The following AP1M1 variants were observed in gnomAD, a reference collection of about 807,000 sequenced individuals.
AP1M1 encodes the protein adaptor related protein complex 1 subunit mu 1, also known as AP-1 complex subunit mu-1.
A neutral mutation model predicts 57.1 loss-of-function variants in AP1M1; 18 were observed. The observed-to-expected ratio is 0.32, with a 90% CI of 0.22 to 0.47. The LOEUF is 0.47. AP1M1 is among the 20% of genes least tolerant of loss of function. The pLI is 1.00. For missense variants in AP1M1, 362 were observed against 593.5 expected (o/e 0.61, Z 4.05); for synonymous variants, 241 against 237.9 (o/e 1.01, Z -0.12).
At chr19:16,201,388 CTTTTTTTTTTTTTTTTTT>C (rs57467734) in intron 1 of AP1M1, among the ~76,000 whole-genome samples, 1 of 62,374 alleles carries the variant, frequency 1.6e-5, no homozygotes, top group African/African-American at 6.8e-5. Flanking sequence ...GGGAGGATTT[CTTTTTTTTTTTTTTTTTT>C]TTTTTTTTTT....
Position 16,234,399 on chromosome 19 carries a change from C to T in AP1M1, c.1250-14C>T, listed in dbSNP as rs1428626856. 6.2e-7 allele frequency: 1 copy of T among 1,613,966 alleles called. No individual in the cohort carries two copies. The highest frequency in any genetic ancestry group is 1.1e-5 in the South Asian group (1 of 91,082). Reference sequence around the variant, plus strand: ...GTGCAGAGCCCAGCATGACGCCTCCCTCCTGTCTCCTAGATTACCAGCTCC... The same window carrying T: ...GTGCAGAGCCCAGCATGACGCCTCCTTCCTGTCTCCTAGATTACCAGCTCC... On this transcript the variant is annotated splice_polypyrimidine_tract_variant and intron_variant, in intron 11 of 11. Coordinates refer to ENST00000291439, the MANE Select transcript of AP1M1 (RefSeq NM_032493.4).
intron 2 of AP1M1, among the ~76,000 whole-genome samples, chr19:16,205,308 C>G (rs754923479): frequency 1.3e-5 from 2 of 152,174 alleles, no homozygotes; most frequent in Non-Finnish European, 2.9e-5. Flanking sequence ...ACCCCTCTGG[C>G]TTAGTGGACA....
intron 5 of AP1M1, among the ~76,000 whole-genome samples, chr19:16,223,859 G>A (rs755840329): frequency 1.6e-4 from 24 of 152,354 alleles, no homozygotes; most frequent in African/African-American, 4.8e-4. Context: ...GGCGCCAGCC[G>A]ACCTGCCTCA....
At chr19:16,217,985 T>C (rs2091526050) in intron 5 of AP1M1, among the ~76,000 whole-genome samples, 1 of 152,204 alleles carries the variant, frequency 6.6e-6, no homozygotes, top group South Asian at 2.1e-4. Context: ...CAGTTTGCCA[T>C]TGCCGTGGCA....
chr19:16,223,848 G>A (rs1416597712), intron 5 of AP1M1, among the ~76,000 whole-genome samples: 1 of 152,226 alleles, frequency 6.6e-6, no homozygotes, highest in African/African-American at 2.4e-5. Context: ...GCAGGGGAAG[G>A]GGCGCCAGCC....
chr19:16,200,893 C>T (rs1050838330), intron 1 of AP1M1, among the ~76,000 whole-genome samples: 4 of 152,188 alleles, frequency 2.6e-5, no homozygotes, highest in South Asian at 2.1e-4. Context: ...CAGGCCTACG[C>T]GTGCCTCCCC....
At position 16,226,577 on chromosome 19, in the gene AP1M1, TGAG is replaced by T; in HGVS notation, c.673+33_673+35del. 5 of 1,559,638 alleles carry T rather than the reference TGAG, an allele frequency of 3.2e-6. No individual in the cohort carries two copies. The South Asian group carries it at 5.7e-5, about 18-fold the overall frequency. Reference sequence around the variant, plus strand: ...GTACCCTTGCCAAGGGCCCTGCCCATGAGGATGGCCTCACCAGGCACACACATT... The same window carrying T: ...GTACCCTTGCCAAGGGCCCTGCCCATGATGGCCTCACCAGGCACACACATT... On this transcript the variant is annotated intron_variant, in intron 6 of 11. Coordinates refer to ENST00000291439, the MANE Select transcript of AP1M1 (RefSeq NM_032493.4).
At chr19:16,226,828 G>T (rs2091573322) in intron 6 of AP1M1, 1 of 326,268 alleles carries the variant, frequency 3.1e-6, no homozygotes, top group Non-Finnish European at 5.7e-6. Flanking sequence ...TGGGGCACTG[G>T]GGCCTAGGCT....
At position 16,245,831 on chromosome 19, in the gene AP1M1, T is replaced by C. The variant is rs923212297; in HGVS notation, c.*11396T>C. On this transcript the variant is annotated 3_prime_UTR_variant, in exon 12 of 12. Transcript: ENST00000291439. ...GATTGTTTGTGGCTTTTAAAAAAAG[T>C]CATTGCTTGAATGATGAGAGCTTAT... is the stretch of plus-strand genomic sequence containing the variant. 6.6e-6 allele frequency: 1 copy of C among 152,192 alleles called. No individual in the cohort carries two copies. The highest frequency in any genetic ancestry group is 1.9e-4 in the East Asian group (1 of 5,206). The allele number at this position is 152,192 out of a possible 1,614,324, so 9.4% of individuals were successfully genotyped here.
At position 16,241,742 on chromosome 19, in the gene AP1M1, C is replaced by T. The variant is rs1045060748; in HGVS notation, c.*7307C>T. On this transcript the variant is annotated 3_prime_UTR_variant, in exon 12 of 12. Coordinates refer to ENST00000291439, the MANE Select transcript of AP1M1 (RefSeq NM_032493.4). ...GGGCGCGGTGGCTCACGCCTGTAAT[C>T]CCAGCACTTTGGGAGGCTGAGGCAG... The T allele has an allele frequency of 9.9e-5, 15 of 152,254 alleles. No homozygotes were observed. Among genetic ancestry groups the T allele is most frequent in the Admixed American group, 9.8e-4 (15 of 15,274 alleles). 9.4% of individuals were successfully genotyped at this position (152,254 alleles called of 1,614,324 possible).
intron 2 of AP1M1, among the ~76,000 whole-genome samples, chr19:16,204,390 G>T (rs2091461178): frequency 6.6e-6 from 1 of 152,282 alleles, no homozygotes; most frequent in African/African-American, 2.4e-5. Context: ...CTGCGGAAGG[G>T]CCTGCTTTGC....
intron 2 of AP1M1, among the ~76,000 whole-genome samples, chr19:16,205,843 A>G (rs2091467277): frequency 6.6e-6 from 1 of 152,162 alleles, no homozygotes; most frequent in Admixed American, 6.5e-5. Flanking sequence ...TTTCTCTAGA[A>G]AGGTTTATTT....
Position 16,198,415 on chromosome 19 carries a change from C to T in AP1M1, c.42+347C>T, listed in dbSNP as rs979135111. 2.3e-5 allele frequency: 4 copies of T among 171,582 alleles called. No individual in the cohort carries two copies. The Admixed American group carries it at 2.5e-4, about 11-fold the overall frequency. The allele number at this position is 171,582 out of a possible 1,614,324, so 10.6% of individuals were successfully genotyped here. On this transcript the variant is annotated intron_variant, in intron 1 of 11. Coordinates refer to ENST00000291439, the MANE Select transcript of AP1M1 (RefSeq NM_032493.4). Reference sequence around the variant, plus strand: ...CAGCCGGCCTCGGAGCCAGGCAGGGCGTCCAGGGGCTGCGCGACCCTTGGC... The same window carrying T: ...CAGCCGGCCTCGGAGCCAGGCAGGGTGTCCAGGGGCTGCGCGACCCTTGGC...
rs1053360285 is a variant in AP1M1 at position 16,208,941 on chromosome 19, C to A, written c.399-89C>A. On this transcript the variant is annotated intron_variant, in intron 4 of 11. Coordinates refer to ENST00000291439, the MANE Select transcript of AP1M1 (RefSeq NM_032493.4). ...GTCGGTCAGAACCTGCCCTGTACCC[C>A]CCACCCAACCCTGCCGAAATGTCAA... The A allele has an allele frequency of 2.6e-5, 39 of 1,504,324 alleles. No individual in the cohort carries two copies. In the African/African-American group the frequency reaches 4.9e-4, roughly 19 times the overall value. The allele number at this position is 1,504,324 out of a possible 1,614,324, so 93.2% of individuals were successfully genotyped here.
At chr19:16,221,558 T>C (rs1442120662) in intron 5 of AP1M1, among the ~76,000 whole-genome samples, 1 of 152,208 alleles carries the variant, frequency 6.6e-6, no homozygotes, top group African/African-American at 2.4e-5. Flanking sequence ...AAAGAGGAAG[T>C]TGACTCATTC....
chr19:16,213,704 G>A (rs1024049664), intron 5 of AP1M1, among the ~76,000 whole-genome samples: 1 of 152,112 alleles, frequency 6.6e-6, no homozygotes, highest in Non-Finnish European at 1.5e-5. Context: ...TGTTGGCCAG[G>A]CTGGTCTCGA....
In AP1M1 at chr19:16,208,130, G is replaced by A; in HGVS notation, c.379G>A (p.Asp127Asn). Reference sequence around the variant, plus strand: ...GGACTTCGGCTACCCCCAGACCACCGACAGCAAGATCCTGCAGGAGTGAGT... The same window carrying A: ...GGACTTCGGCTACCCCCAGACCACCAACAGCAAGATCCTGCAGGAGTGAGT... ...LMDFGYPQTTDSKILQEYITQ... is the reference protein window; with the variant it reads ...LMDFGYPQTTNSKILQEYITQ... The change falls in exon 4 of 12, where the codon GAC becomes AAC. Residue 127 changes from aspartate to asparagine, a missense_variant. Physicochemically the swap from Asp to Asn is conservative, Grantham distance 23. This residue lies in a region of AP1M1 where 337 missense variants were observed against 511.1 expected (regional missense o/e 0.66). Transcript: ENST00000291439. The A allele has an allele frequency of 6.2e-7, 1 of 1,613,316 alleles. No individual in the cohort carries two copies. Among genetic ancestry groups the A allele is most frequent in the East Asian group, 2.2e-5 (1 of 44,854 alleles).
chr19:16,234,108 C>A, intron 10 of AP1M1, 91 bp from the exon 11 acceptor site: 1 of 1,322,604 alleles, frequency 7.6e-7, no homozygotes, highest in Non-Finnish European at 1.0e-6. Flanking sequence ...GCCTCCCCTG[C>A]CAGCCCCAGG....
At chr19:16,201,486 C>T (rs1294332948) in intron 1 of AP1M1, among the ~76,000 whole-genome samples, 2 of 141,680 alleles carry the variant, frequency 1.4e-5, no homozygotes, top group East Asian at 4.4e-4. Context: ...GCAACCTCTG[C>T]CTCCCAGGTT....
Sources: gnomAD v4.1 joint callset for allele counts (sites outside exome capture counted in the v4.1 genomes callset) on GRCh38, gnomAD v4.1.1 for gene constraint, gnomAD v4.1.1 regional missense constraint, MANE v1.5 for transcripts, NCBI Gene and HGNC (gene_info 2026-07-23, HGNC 2026-07-21) for gene names.